The following WDTC1 variants were observed in gnomAD, a reference collection of about 807,000 sequenced individuals.
WDTC1 encodes the protein WD and tetratricopeptide repeats 1.
A neutral mutation model predicts 76.0 loss-of-function variants in WDTC1; 12 were observed. The observed-to-expected ratio is 0.16, with a 90% CI of 0.10 to 0.26. The LOEUF (loss-of-function observed/expected upper bound fraction) is 0.26, where lower values mean the gene tolerates loss of function less well. Ranked by LOEUF, WDTC1 falls within the 10% of genes least tolerant of loss-of-function variation. WDTC1 has a pLI of 1.00. For synonymous variants in WDTC1, 326 were observed against 350.8 expected (o/e 0.93, Z 0.79); for missense variants, 511 against 908.8 (o/e 0.56, Z 5.63).
chr1:27,268,501 C>T lies in WDTC1; in HGVS notation c.132+5266C>T, dbSNP rs555355003. Among the ~76,000 whole-genome samples, 17 of 151,956 alleles carry T rather than the reference C, an allele frequency of 1.1e-4. No homozygotes were observed. In the South Asian group the frequency reaches 3.3e-3, roughly 30 times the overall value. On this transcript the variant is annotated intron_variant, in intron 3 of 15. Transcript: ENST00000319394. ...TGGCGTGATCTTGGCTCACTGCAAC[C>T]TCCGCCTCCCAGGTTCAAGTGATTC...
chr1:27,302,946 C>T (rs1014063651), intron 13 of WDTC1, among the ~76,000 whole-genome samples: 1 of 152,058 alleles, frequency 6.6e-6, no homozygotes, highest in East Asian at 1.9e-4. Flanking sequence ...AGGGCATGGT[C>T]CTTACTGCCC....
At chr1:27,253,007 ATTTT>A (rs34743468) in intron 1 of WDTC1, among the ~76,000 whole-genome samples, 9 of 106,426 alleles carry the variant, frequency 8.5e-5, no homozygotes, top group Admixed American at 2.0e-4. Context: ...GTTCTTTCTG[ATTTT>A]TTTTTTTTTT....
intron 5 of WDTC1, 73 bp downstream of exon 5, chr1:27,283,522 C>A: frequency 7.1e-7 from 1 of 1,414,416 alleles, no homozygotes; most frequent in Non-Finnish European, 9.9e-7. Context: ...GTGGCCACGC[C>A]ATGTTGGTAT....
chr1:27,306,455 C>A lies in WDTC1; in HGVS notation c.*72C>A. ...GCCCTGGGCAGGAGGTCAGGGGATT[C>A]TGTTTTGGTTTGTCTTCCCCACCAC... On this transcript the variant is annotated 3_prime_UTR_variant, in exon 16 of 16. Transcript: ENST00000319394. The surrounding 1 kb of genome is among the most constrained non-coding windows in gnomAD (Gnocchi z 5.0). 1 of 1,521,888 alleles carries A rather than the reference C, an allele frequency of 6.6e-7. No individual in the cohort carries two copies. The highest frequency in any genetic ancestry group is 8.8e-7 in the Non-Finnish European group (1 of 1,136,172). The allele number at this position is 1,521,888 out of a possible 1,614,324, so 94.3% of individuals were successfully genotyped here. A position where few individuals can be genotyped will look rare whatever the true frequency, so the allele number is the denominator to read the frequency against.
At chr1:27,246,862 A>ATTT (rs557734769) in intron 1 of WDTC1, among the ~76,000 whole-genome samples, 1 of 89,206 alleles carries the variant, frequency 1.1e-5, no homozygotes, top group Non-Finnish European at 2.3e-5. Context: ...ACGCCCAGCC[A>ATTT]TTTTTTTTTT....
chr1:27,273,880 A>C (rs1272623594), intron 3 of WDTC1, among the ~76,000 whole-genome samples: 1 of 151,988 alleles, frequency 6.6e-6, no homozygotes, highest in African/African-American at 2.4e-5. Flanking sequence ...AGGGAGAGGG[A>C]AAAAGATTAT....
chr1:27,286,605 G>A (rs935111109), intron 5 of WDTC1, among the ~76,000 whole-genome samples: 8 of 151,230 alleles, frequency 5.3e-5, no homozygotes, highest in Admixed American at 5.3e-4. Flanking sequence ...GAGTAGCTGG[G>A]ACTACAGGCG....
chr1:27,260,348 G>T (rs1410513366), intron 1 of WDTC1, among the ~76,000 whole-genome samples: 1 of 152,106 alleles, frequency 6.6e-6, no homozygotes, highest in Non-Finnish European at 1.5e-5. Context: ...CTTGTGATCC[G>T]CCCACCTCGG....
At chr1:27,279,997 C>T (rs2013144237) in intron 3 of WDTC1, among the ~76,000 whole-genome samples, 1 of 152,258 alleles carries the variant, frequency 6.6e-6, no homozygotes, top group South Asian at 2.1e-4. Context: ...CCCACAACAA[C>T]CCTATGAGGC....
At position 27,301,853 on chromosome 1, in the gene WDTC1, C is replaced by T. The variant is rs560847512; in HGVS notation, c.1468+392C>T. Among the ~76,000 whole-genome samples, 41 of 152,248 alleles carry T rather than the reference C, an allele frequency of 2.7e-4. No individual in the cohort carries two copies. The highest frequency in any genetic ancestry group is 1.7e-3 in the Admixed American group (26 of 15,290). On this transcript the variant is annotated intron_variant, in intron 13 of 15. Coordinates refer to ENST00000319394, the MANE Select transcript of WDTC1 (RefSeq NM_001276252.2). This position sits in a 1 kb window ranked among gnomAD's most constrained non-coding sequence, Gnocchi z 5.8. ...CAGAAGCTGGTCATTGTGTTTGTTCCGAGTGTACAAGTGCAGCAGAGACAA... is the reference window on the plus strand; with the variant it reads ...CAGAAGCTGGTCATTGTGTTTGTTCTGAGTGTACAAGTGCAGCAGAGACAA...
chr1:27,307,888 A>AGCT lies in WDTC1; in HGVS notation c.*1515_*1517dup, dbSNP rs2013995068. ...AAGTATATTTATTGGTGAAGGAAAC[A>AGCT]GCTGCTGCTGCTTCTCCTGCTGCTG... On this transcript the variant is annotated 3_prime_UTR_variant, in exon 16 of 16. Transcript: ENST00000319394. The surrounding 1 kb of genome is among the most constrained non-coding windows in gnomAD (Gnocchi z 4.1). 1 of 150,714 alleles carries AGCT rather than the reference A, an allele frequency of 6.6e-6. No individual in the cohort carries two copies. Among genetic ancestry groups the AGCT allele is most frequent in the Non-Finnish European group, 1.5e-5 (1 of 67,896 alleles). The allele number at this position is 150,714 out of a possible 1,614,324, so 9.3% of individuals were successfully genotyped here. A position where few individuals can be genotyped will look rare whatever the true frequency, so the allele number is the denominator to read the frequency against.
At chr1:27,234,972 C>T in intron 1 of WDTC1, 21 bp downstream of exon 1, 1 of 387,610 alleles carries the variant, frequency 2.6e-6, no homozygotes, top group East Asian at 3.7e-5. Context: ...CCGCCGCCCC[C>T]TGCCCTCCGC....
intron 1 of WDTC1, among the ~76,000 whole-genome samples, chr1:27,237,101 G>A (rs1235686718): frequency 6.6e-6 from 1 of 152,126 alleles, no homozygotes; most frequent in East Asian, 1.9e-4. Context: ...CTCCCAGAGT[G>A]CTGGGATTAC....
At position 27,262,463 on chromosome 1, in the gene WDTC1, A is replaced by G. The variant is rs562083029; in HGVS notation, c.49-689A>G. Among the ~76,000 whole-genome samples the G allele has an allele frequency of 1.3e-3, 194 of 151,576 alleles. 1 individual carries two copies. The highest frequency in any genetic ancestry group is 4.5e-3 in the African/African-American group (187 of 41,306). On this transcript the variant is annotated intron_variant, in intron 2 of 15. Coordinates refer to ENST00000319394, the MANE Select transcript of WDTC1 (RefSeq NM_001276252.2). ...GAGTGCAGTGGCATGATCTTGGCTC[A>G]TTGCAACCTCCACCTCCCAGGTTCA...
chr1:27,291,625 G>A (rs1019908444), intron 6 of WDTC1, among the ~76,000 whole-genome samples: 2 of 152,154 alleles, frequency 1.3e-5, no homozygotes, highest in East Asian at 1.9e-4. Flanking sequence ...CCTTTACTGC[G>A]TGGATGAGAC....
In WDTC1 at chr1:27,301,620, A is replaced by G. The variant is rs138255208; in HGVS notation, c.1468+159A>G. ...GGCAGTTACTTGGTGTCTCTCTCAG[A>G]GTGTTTCCTGGTCTGAAAAGGAGGC... On this transcript the variant is annotated intron_variant, in intron 13 of 15. Transcript: ENST00000319394. This position sits in a 1 kb window ranked among gnomAD's most constrained non-coding sequence, Gnocchi z 5.8. Among the ~76,000 whole-genome samples the G allele has an allele frequency of 1.8e-3, 275 of 152,220 alleles. 2 individuals are homozygous for G. The highest frequency in any genetic ancestry group is 6.4e-3 in the African/African-American group (267 of 41,528).
At chr1:27,272,688 G>GTA in intron 3 of WDTC1, among the ~76,000 whole-genome samples, 1 of 152,226 alleles carries the variant, frequency 6.6e-6, no homozygotes, top group East Asian at 1.9e-4. Context: ...TTAAAAACAT[G>GTA]TATAGCTTGA....
At position 27,283,795 on chromosome 1, in the gene WDTC1, G is replaced by C. The variant is rs2013258486; in HGVS notation, c.291+346G>C. ...GTGACCTGGGCAAATCACCTGACCT[G>C]TCTGAGCCTGTTTGCTCATCTGTAA... On this transcript the variant is annotated intron_variant, in intron 5 of 15. Coordinates refer to ENST00000319394, the MANE Select transcript of WDTC1 (RefSeq NM_001276252.2). Among the ~76,000 whole-genome samples the C allele has an allele frequency of 3.3e-5, 5 of 152,302 alleles. No homozygotes were observed. The South Asian group carries it at 1.0e-3, about 32-fold the overall frequency.
chr1:27,236,600 T>TTG (rs2011494880), intron 1 of WDTC1, among the ~76,000 whole-genome samples: 1 of 152,176 alleles, frequency 6.6e-6, no homozygotes, highest in Non-Finnish European at 1.5e-5. Flanking sequence ...TTAACAACTA[T>TTG]TTACCAGTTT....
Sources: allele counts gnomAD v4.1 joint callset (sites outside exome capture counted in the v4.1 genomes callset), GRCh38; gene constraint gnomAD v4.1.1; non-coding constraint Gnocchi (gnomAD v3.1); transcripts MANE v1.5; gene names NCBI Gene and HGNC (gene_info 2026-07-23, HGNC 2026-07-21).